Variants in KCNAB2 observed in about 807,000 individuals in gnomAD.
KCNAB2 encodes the protein potassium voltage-gated channel subfamily A regulatory beta subunit 2, also known as voltage-gated potassium channel subunit beta-2.
In KCNAB2, 29 loss-of-function variants were observed where a neutral mutation model predicts 63.6. The observed-to-expected ratio is 0.46, with a 90% CI of 0.34 to 0.62. KCNAB2 has a LOEUF of 0.62. Among genes scored for constraint, KCNAB2 ranks in the 20% least tolerant of loss-of-function variants. The probability of loss-of-function intolerance (pLI) is 0.01; values close to 1 mark genes in which losing one functional copy is unlikely to be tolerated. For missense variants in KCNAB2, 359 were observed against 563.9 expected (o/e 0.64, Z 3.68); for synonymous variants, 222 against 224.2 (o/e 0.99, Z 0.09).
chr1:6,002,723 A>C (rs72859198), intron 1 of KCNAB2, among the ~76,000 whole-genome samples: 3,063 of 152,156 alleles, frequency 0.02, 99 homozygotes, highest in African/African-American at 0.069. Flanking sequence ...TTTCCAGGGG[A>C]GCTGAAGGGC....
intron 2 of KCNAB2, among the ~76,000 whole-genome samples, chr1:6,056,713 C>T (rs548101425): frequency 3.3e-5 from 5 of 152,326 alleles, no homozygotes; most frequent in East Asian, 3.9e-4. Context: ...AGGCTCTGGA[C>T]GCCGCCCCTT....
chr1:6,041,964 T>A, upstream of KCNAB2: 1 of 1,184,592 alleles, frequency 8.4e-7, no homozygotes, highest in South Asian at 1.2e-5. Context: ...GGTGTGCTGG[T>A]GTATTCTCTG....
chr1:6,091,131 T>G (rs1665153343), intron 9 of KCNAB2, 132 bp from the exon 10 acceptor site: 1 of 703,598 alleles, frequency 1.4e-6, no homozygotes, highest in Non-Finnish European at 2.6e-6. Context: ...GTTGATATAT[T>G]TTTTTCCTTT....
At chr1:6,063,253 G>A (rs1323712174) in intron 2 of KCNAB2, among the ~76,000 whole-genome samples, 3 of 151,870 alleles carry the variant, frequency 2.0e-5, no homozygotes, top group Admixed American at 6.6e-5. Context: ...TCAAACTCCT[G>A]ACCTCACGAT....
chr1:6,006,461 C>T (rs146655246), intron 1 of KCNAB2, among the ~76,000 whole-genome samples: 6 of 1,210 alleles, frequency 5.0e-3, no homozygotes, highest in African/African-American at 6.5e-3. Flanking sequence ...CACCCCTCAG[C>T]TCAGCTCCCA....
chr1:6,031,232 C>T (rs2100392436), upstream of KCNAB2, among the ~76,000 whole-genome samples: 1 of 152,284 alleles, frequency 6.6e-6, no homozygotes, highest in Admixed American at 6.5e-5. This position sits in a 1 kb window ranked among gnomAD's most constrained non-coding sequence, Gnocchi z 4.1. Context: ...TTCCTTCTCT[C>T]ACCTGGGTGC....
intron 2 of KCNAB2, among the ~76,000 whole-genome samples, chr1:6,061,731 G>A (rs935569748): frequency 3.9e-5 from 6 of 152,186 alleles, no homozygotes; most frequent in Non-Finnish European, 7.3e-5. Flanking sequence ...GGAATATAAT[G>A]TGCATAATGC....
At position 6,099,534 on chromosome 1, in the gene KCNAB2, G is replaced by A; in HGVS notation, c.*960G>A. 7.5e-6 allele frequency: 3 copies of A among 401,428 alleles called. No individual in the cohort carries two copies. The highest frequency in any genetic ancestry group is 8.8e-6 in the Non-Finnish European group (2 of 227,622). The allele number at this position is 401,428 out of a possible 1,614,324, so 24.9% of individuals were successfully genotyped here. A position where few individuals can be genotyped will look rare whatever the true frequency, so the allele number is the denominator to read the frequency against. On this transcript the variant is annotated 3_prime_UTR_variant, in exon 16 of 16. Transcript: ENST00000378083. ...CCACGGCAAGTGGCAGCAGGGGCCG[G>A]CCCTGTGCACAAGGATGCACTCCTC...
At chr1:6,030,726 T>C (rs893489969), upstream of KCNAB2, among the ~76,000 whole-genome samples, 4 of 149,152 alleles carry the variant, frequency 2.7e-5, no homozygotes, top group East Asian at 7.9e-4. Flanking sequence ...ATGTGTATGT[T>C]TATGTGTGTT....
chr1:6,075,064 G>A (rs780645363), intron 4 of KCNAB2, among the ~76,000 whole-genome samples: 6 of 152,174 alleles, frequency 3.9e-5, no homozygotes, highest in Non-Finnish European at 8.8e-5. Context: ...AAGGCAAAAG[G>A]AATTGCCTTA....
chr1:6,005,112 T>C (rs1287541), intron 1 of KCNAB2, among the ~76,000 whole-genome samples: 2 of 694 alleles, frequency 2.9e-3, no homozygotes, highest in Non-Finnish European at 4.3e-3. Context: ...AGTGGGGGGA[T>C]GTGGGAGCTG....
chr1:6,007,202 G>GC (rs1553211282), intron 1 of KCNAB2, among the ~76,000 whole-genome samples: 2 of 38,690 alleles, frequency 5.2e-5, no homozygotes, highest in South Asian at 2.8e-3. Flanking sequence ...GTCACTGCAT[G>GC]GGGGGGGCTC....
chr1:5,996,804 C>G (rs1257074241), intron 1 of KCNAB2, among the ~76,000 whole-genome samples: 1 of 152,250 alleles, frequency 6.6e-6, no homozygotes, highest in Non-Finnish European at 1.5e-5. Flanking sequence ...CAGCCGAGAT[C>G]TATCATCCAA....
Position 6,071,925 on chromosome 1 carries a change from G to A in KCNAB2, c.219-830G>A, listed in dbSNP as rs534953030. On this transcript the variant is annotated intron_variant, in intron 2 of 15. Coordinates refer to ENST00000378083, the MANE Select transcript of KCNAB2 (RefSeq NM_001199862.2). The surrounding 1 kb of genome is among the most constrained non-coding windows in gnomAD (Gnocchi z 8.5). Reference sequence around the variant, plus strand: ...CCGCGTAGGGCTCCCGGGAGGATCCGGGGACAGGATGCCTGGGGACTGCCT... The same window carrying A: ...CCGCGTAGGGCTCCCGGGAGGATCCAGGGACAGGATGCCTGGGGACTGCCT... Among the ~76,000 whole-genome samples, 382 of 152,194 alleles carry A rather than the reference G, an allele frequency of 2.5e-3. No individual in the cohort carries two copies. Among genetic ancestry groups the A allele is most frequent in the Non-Finnish European group, 4.6e-3 (314 of 67,946 alleles).
rs11803870 is a variant in KCNAB2 at position 6,086,120 on chromosome 1, G to A, written c.425+872G>A. The stretch of plus-strand genomic sequence containing the variant: ...TTATCTCAAGGTGCTGACAAGCCCC[G>A]GGGCCCTGTTCCTTAATAAATGCGT... On this transcript the variant is annotated intron_variant, in intron 6 of 15. Coordinates refer to ENST00000378083, the MANE Select transcript of KCNAB2 (RefSeq NM_001199862.2). This position sits in a 1 kb window ranked among gnomAD's most constrained non-coding sequence, Gnocchi z 4.2. 4.6e-3 allele frequency: 4,484 copies of A among 984,968 alleles called. 170 individuals carry two copies. In the African/African-American group the frequency reaches 0.073, roughly 16 times the overall value. 61.0% of individuals were successfully genotyped at this position (984,968 alleles called of 1,614,324 possible).
chr1:6,097,288 G>A lies in KCNAB2; in HGVS notation c.1089G>A (p.Glu363=). 6.5e-7 allele frequency: 1 copy of A among 1,549,396 alleles called. No homozygotes were observed. Among genetic ancestry groups the A allele is most frequent in the Non-Finnish European group, 8.7e-7 (1 of 1,145,556 alleles). The change falls in exon 15 of 16, where the codon GAG becomes GAA. Residue 363 remains glutamate, a synonymous_variant. Coordinates refer to ENST00000378083, the MANE Select transcript of KCNAB2 (RefSeq NM_001199862.2). ...CCACAGCCTGGTGCCTGAGGAATGA[G>A]GGAGTCAGCTCCGTGCTCCTGGGGG... The part of the protein sequence containing the change: ...QLAIAWCLRN[E]GVSSVLLGAS...
rs1231388718 is a variant in KCNAB2, at chr1:6,003,722, T to C, written c.-53+10934T>C. Among the ~76,000 whole-genome samples the C allele has an allele frequency of 1.3e-5, 2 of 152,222 alleles. No individual in the cohort carries two copies. Among genetic ancestry groups the C allele is most frequent in the Non-Finnish European group, 2.9e-5 (2 of 68,040 alleles). On this transcript the variant is annotated intron_variant, in intron 1 of 16. Transcript: ENST00000341524. This position sits in a 1 kb window ranked among gnomAD's most constrained non-coding sequence, Gnocchi z 4.1. Reference sequence around the variant, plus strand: ...CAAAAAGGTCGTAGTATATAGCTCATGTCCCAGAACCAGCCACGTCTCCTC... The same window carrying C: ...CAAAAAGGTCGTAGTATATAGCTCACGTCCCAGAACCAGCCACGTCTCCTC...
At chr1:6,091,384 G>T (rs570907746) in intron 10 of KCNAB2, 77 bp downstream of exon 10, 1 of 1,089,536 alleles carries the variant, frequency 9.2e-7, no homozygotes, top group Admixed American at 2.1e-5. Flanking sequence ...TTATTTACAT[G>T]ATTCTTTTAC....
At chr1:6,039,974 C>A (rs1660362851) in intron 1 of KCNAB2, among the ~76,000 whole-genome samples, 1 of 152,214 alleles carries the variant, frequency 6.6e-6, no homozygotes, top group Admixed American at 6.5e-5. Flanking sequence ...ACAGGGGCTG[C>A]CCAAGGGCAG....
Sources: gnomAD v4.1 joint callset for allele counts (sites outside exome capture counted in the v4.1 genomes callset) on GRCh38, gnomAD v4.1.1 for gene constraint, Gnocchi (gnomAD v3.1) non-coding constraint, MANE v1.5 for transcripts, NCBI Gene and HGNC (gene_info 2026-07-23, HGNC 2026-07-21) for gene names.